BSG: variants seen among roughly 807,000 people sequenced by gnomAD.
BSG encodes basigin (Ok blood group).
Under a neutral mutation model 43.1 loss-of-function variants are expected in BSG, and 37 were observed. That is an observed-to-expected ratio of 0.86 (90% confidence interval 0.66 to 1.13). The LOEUF is 1.13. BSG is among the 50% of genes most tolerant of loss of function. The probability of loss-of-function intolerance (pLI) is 0.00; values close to 1 mark genes in which losing one functional copy is unlikely to be tolerated. For missense variants in BSG, 599 were observed against 554.2 expected, an observed-to-expected ratio of 1.08 and a Z score of -0.81; for synonymous variants, 309 against 238.7, an observed-to-expected ratio of 1.29 and a Z score of -2.72.
chr19:579,843 G>T, intron 3 of BSG, 187 bp downstream of exon 3: 2 of 880,816 alleles, frequency 2.3e-6, no homozygotes, highest in South Asian at 1.9e-5. Context: ...TCCTTGTGAG[G>T]CAGGGGGCTC....
intron 8 of BSG, 30 bp from the exon 9 acceptor site, chr19:582,720 T>G (rs992613857): frequency 5.4e-5 from 52 of 956,226 alleles, no homozygotes; most frequent in Non-Finnish European, 7.6e-5. Context: ...GGGAGGTGGG[T>G]CCAGTCTGAG....
chr19:579,340 T>A (rs961016860), intron 2 of BSG, 160 bp from the exon 3 acceptor site: 3 of 997,272 alleles, frequency 3.0e-6, no homozygotes, highest in Non-Finnish European at 4.6e-6. Flanking sequence ...GGCCAGAAGT[T>A]CCCCTTGGGC....
intron 3 of BSG, chr19:580,000 C>G: frequency 2.4e-6 from 1 of 421,904 alleles, no homozygotes; most frequent in Non-Finnish European, 4.3e-6. Flanking sequence ...GAGGCATGCC[C>G]TGCTCGGACC....
At chr19:582,721 C>G in intron 8 of BSG, 29 bp from the exon 9 acceptor site, 1 of 905,998 alleles carries the variant, frequency 1.1e-6, no homozygotes, top group Non-Finnish European at 1.7e-6. Flanking sequence ...GGAGGTGGGT[C>G]CAGTCTGAGC....
chr19:577,664 G>A (rs28921984), intron 1 of BSG, 110 bp from the exon 2 acceptor site: 1 of 899,812 alleles, frequency 1.1e-6, no homozygotes, highest in Non-Finnish European at 1.5e-6. Flanking sequence ...GAAAGGAAGT[G>A]GCTTCTCCAC....
intron 6 of BSG, 147 bp from the exon 7 acceptor site, chr19:582,159 C>A: frequency 1.0e-6 from 1 of 966,520 alleles, no homozygotes; most frequent in Non-Finnish European, 1.5e-6. Flanking sequence ...TGCACGTGGC[C>A]GGGGCTGATG....
At chr19:572,917 C>T (rs559959467) in intron 1 of BSG, among the ~76,000 whole-genome samples, 5 of 151,998 alleles carry the variant, frequency 3.3e-5, no homozygotes, top group South Asian at 4.1e-4. Flanking sequence ...CGCGGCCTGC[C>T]GGGCTCCCCC....
intron 1 of BSG, among the ~76,000 whole-genome samples, chr19:574,839 C>G (rs2145888314): frequency 6.6e-6 from 1 of 152,284 alleles, no homozygotes; most frequent in South Asian, 2.1e-4. Flanking sequence ...GCGGCCAGCT[C>G]TCTGGGGAGA....
Position 582,313 on chromosome 19 carries a change from C to T in BSG, c.1077C>T (p.Asp359=), listed in dbSNP as rs779976854. 40 of 1,602,400 alleles carry T rather than the reference C, an allele frequency of 2.5e-5. No individual in the cohort carries two copies. Among genetic ancestry groups the T allele is most frequent in the East Asian group, 1.8e-4 (8 of 44,830 alleles). The change falls in exon 7 of 9, where the codon GAC becomes GAT. Residue 359 remains aspartate, a synonymous_variant. Coordinates refer to ENST00000333511, the MANE Select transcript of BSG (RefSeq NM_001728.4). The part of the protein sequence containing the change: ...RKPEDVLDDD[D]AGSAPLKSSG... ...GCGGCGGTCCTTCTTCAGATGACGA[C>T]GCCGGCTCTGCACCCCTGTAAGTTC...
intron 1 of BSG, 73 bp downstream of exon 1, chr19:572,774 G>C: frequency 7.6e-7 from 1 of 1,315,024 alleles, no homozygotes; most frequent in South Asian, 2.0e-5. Context: ...CCGACCCGAA[G>C]CCGACGGGAG....
intron 3 of BSG, chr19:580,033 C>T (rs991819737): frequency 2.4e-6 from 1 of 412,138 alleles, no homozygotes; most frequent in Non-Finnish European, 4.4e-6. Flanking sequence ...ATGGCCGGAG[C>T]TTTGTCATAA....
chr19:580,684 A>G lies in BSG; in HGVS notation c.694A>G (p.Ile232Val), dbSNP rs138489587. The G allele has an allele frequency of 8.6e-5, 139 of 1,612,754 alleles. No individual in the cohort carries two copies. The highest frequency in any genetic ancestry group is 1.1e-4 in the Non-Finnish European group (132 of 1,179,982). The change falls in exon 5 of 9, where the codon ATC becomes GTC. Residue 232 changes from isoleucine (I) to valine (V), a missense_variant. By Grantham distance (29) the Ile-to-Val change is conservative. Coordinates refer to ENST00000333511, the MANE Select transcript of BSG (RefSeq NM_001728.4). ...RVKAVKSSEH[I>V]NEGETAMLVC... Reference sequence around the variant, plus strand: ...GAAGGCTGTGAAGTCGTCAGAACACATCAACGAGGGGGAGACGGCCATGCT... The same window carrying G: ...GAAGGCTGTGAAGTCGTCAGAACACGTCAACGAGGGGGAGACGGCCATGCT...
chr19:572,279 C>A, upstream of BSG: 1 of 592,112 alleles, frequency 1.7e-6, no homozygotes, highest in Non-Finnish European at 2.1e-6. Flanking sequence ...ACACTTTCAA[C>A]GCTTCAACCC....
At chr19:575,622 G>A (rs1248604816) in intron 1 of BSG, among the ~76,000 whole-genome samples, 3 of 150,322 alleles carry the variant, frequency 2.0e-5, no homozygotes, top group South Asian at 2.1e-4. Context: ...GGAGGAGGGC[G>A]GGTGGGGGCG....
chr19:579,282 G>C, intron 2 of BSG: 1 of 664,582 alleles, frequency 1.5e-6, no homozygotes, highest in Non-Finnish European at 2.6e-6. Flanking sequence ...GTGCCTTCCC[G>C]AAGGGGCCTC....
In BSG at chr19:580,139, G is replaced by A. The variant is rs1475843208; in HGVS notation, c.573-240G>A. On this transcript the variant is annotated intron_variant, in intron 3 of 8. Coordinates refer to ENST00000333511, the MANE Select transcript of BSG (RefSeq NM_001728.4). ...TGTGGGGTGCAGAGCAGGGACCAGA[G>A]GTGTGGGGTTCATCAGTCGGGGAGA... is the stretch of plus-strand genomic sequence containing the variant. 2.9e-5 allele frequency among the ~76,000 whole-genome samples: 4 copies of A among 139,658 alleles called. No individual in the cohort carries two copies. In the Admixed American group the frequency reaches 2.9e-4, roughly 10 times the overall value. 91.6% of individuals were successfully genotyped at this position (139,658 alleles called of 152,430 possible).
chr19:580,572 C>T, intron 4 of BSG, 74 bp from the exon 5 acceptor site: 1 of 1,605,804 alleles, frequency 6.2e-7, no homozygotes, highest in Non-Finnish European at 8.5e-7. Flanking sequence ...TGGAGGGGAA[C>T]AGCCCTCCTG....
At chr19:572,280 G>A (rs541980541), upstream of BSG, 77 of 604,390 alleles carry the variant, frequency 1.3e-4, no homozygotes, top group Middle Eastern at 2.5e-3. Flanking sequence ...CACTTTCAAC[G>A]CTTCAACCCC....
chr19:572,113 T>C (rs1314862157), upstream of BSG: 2 of 149,464 alleles, frequency 1.3e-5, no homozygotes, highest in African/African-American at 4.9e-5. Context: ...ATGTACATTT[T>C]TAAAGGCAGA....
Sources: allele counts gnomAD v4.1 joint callset (sites outside exome capture counted in the v4.1 genomes callset), GRCh38; gene constraint gnomAD v4.1.1; transcripts MANE v1.5; gene names NCBI Gene and HGNC (gene_info 2026-07-23, HGNC 2026-07-21).